ERP44: variants seen among roughly 807,000 people sequenced by gnomAD.
ERP44 encodes the protein endoplasmic reticulum protein 44.
Under a neutral mutation model 53.4 loss-of-function variants are expected in ERP44, and 25 were observed. The observed-to-expected ratio is 0.47, with a 90% confidence interval of 0.34 to 0.65. ERP44 has a LOEUF of 0.65. Ranked by LOEUF, ERP44 falls within the 30% of genes least tolerant of loss-of-function variation. The pLI, the probability that ERP44 is intolerant of heterozygous loss-of-function variation, is 0.01. For missense variants in ERP44, 338 were observed against 493.2 expected, an observed-to-expected ratio of 0.69 and a Z score of 2.98; for synonymous variants, 145 against 161.2, an observed-to-expected ratio of 0.90 and a Z score of 0.76.
At chr9:100,068,203 G>GT (rs1478936901) in intron 1 of ERP44, among the ~76,000 whole-genome samples, 1 of 149,346 alleles carries the variant, frequency 6.7e-6, no homozygotes, top group African/African-American at 2.5e-5. Flanking sequence ...CGGGAGGGAG[G>GT]TAGGGGGGTC....
chr9:100,062,423 G>A (rs548990125), intron 1 of ERP44, among the ~76,000 whole-genome samples: 1 of 152,244 alleles, frequency 6.6e-6, no homozygotes, highest in African/African-American at 2.4e-5. Context: ...GATAACTGTG[G>A]AACCCAATAA....
chr9:100,090,543 G>GT (rs1326392904), intron 1 of ERP44, among the ~76,000 whole-genome samples: 4 of 152,158 alleles, frequency 2.6e-5, no homozygotes, highest in African/African-American at 4.8e-5. Context: ...GAGGTCAGGA[G>GT]TTTGAGACCA....
chr9:100,083,729 G>C (rs1826452123), intron 1 of ERP44, among the ~76,000 whole-genome samples: 2 of 152,142 alleles, frequency 1.3e-5, no homozygotes, highest in Non-Finnish European at 2.9e-5. Flanking sequence ...CATCAAGAAA[G>C]TAACACTGCC....
At chr9:100,000,435 CAAAAA>C (rs34304276) in intron 10 of ERP44, among the ~76,000 whole-genome samples, 1 of 123,982 alleles carries the variant, frequency 8.1e-6, no homozygotes, top group Admixed American at 7.9e-5. Context: ...GATCCTGTAT[CAAAAA>C]AAAAAAAAAA....
intron 1 of ERP44, among the ~76,000 whole-genome samples, chr9:100,071,267 A>T (rs540642451): frequency 1.3e-4 from 20 of 151,930 alleles, no homozygotes; most frequent in African/African-American, 4.3e-4. Context: ...GCAAACATAT[A>T]ACATTCTTTA....
At chr9:100,012,252 T>A (rs935837650) in intron 8 of ERP44, among the ~76,000 whole-genome samples, 10 of 152,224 alleles carry the variant, frequency 6.6e-5, no homozygotes, top group African/African-American at 1.9e-4. Context: ...GCAATGAATT[T>A]GCATATCTAT....
At chr9:100,069,317 C>T (rs1826273588) in intron 1 of ERP44, among the ~76,000 whole-genome samples, 1 of 130,826 alleles carries the variant, frequency 7.6e-6, no homozygotes, top group Non-Finnish European at 1.6e-5. Flanking sequence ...ACCAAACCAA[C>T]CAAAAAAAAG....
In ERP44 at chr9:100,073,838, A is replaced by G. The variant is rs371126825; in HGVS notation, c.58-13666T>C. ...ATCCACAGCAAGAAATACACTTTAC[A>G]CTGCAGTCCAGGAAACAGAAACACA... is the stretch of plus-strand genomic sequence containing the variant. On this transcript the variant is annotated intron_variant, in intron 1 of 11. Transcript: ENST00000262455. Among the ~76,000 whole-genome samples the G allele has an allele frequency of 6.6e-5, 10 of 152,290 alleles. No individual in the cohort carries two copies. In the South Asian group the frequency reaches 2.1e-3, roughly 32 times the overall value.
chr9:100,022,349 T>C (rs945439902), intron 4 of ERP44, 123 bp from the exon 5 acceptor site: 1 of 626,490 alleles, frequency 1.6e-6, no homozygotes, highest in African/African-American at 1.9e-5. Context: ...TGTTTTTCAG[T>C]GAGAGAGAAA....
intron 1 of ERP44, among the ~76,000 whole-genome samples, chr9:100,096,068 A>G (rs998314868): frequency 5.9e-5 from 9 of 152,324 alleles, no homozygotes; most frequent in Admixed American, 5.9e-4. Flanking sequence ...ATTATGATCT[A>G]TAAACATACT....
chr9:100,041,389 G>T (rs899589703), intron 4 of ERP44, among the ~76,000 whole-genome samples: 6 of 152,140 alleles, frequency 3.9e-5, no homozygotes, highest in Non-Finnish European at 8.8e-5. Flanking sequence ...ACAGACACAG[G>T]CCAGGCGCAG....
chr9:100,075,793 C>T (rs1018628797), intron 1 of ERP44, among the ~76,000 whole-genome samples: 1 of 152,186 alleles, frequency 6.6e-6, no homozygotes, highest in African/African-American at 2.4e-5. Flanking sequence ...GCAACATATT[C>T]CTCTTTTGGG....
chr9:100,062,219 G>T (rs1167292433), intron 1 of ERP44, among the ~76,000 whole-genome samples: 1 of 152,158 alleles, frequency 6.6e-6, no homozygotes, highest in Non-Finnish European at 1.5e-5. Context: ...ACTTCTTTGG[G>T]TTGTAATTTC....
chr9:100,015,974 A>G (rs148426569), intron 8 of ERP44, among the ~76,000 whole-genome samples: 26 of 152,288 alleles, frequency 1.7e-4, no homozygotes, highest in African/African-American at 6.0e-4. Context: ...CCGTGGACTG[A>G]TACAGGTCTG....
At chr9:99,986,297 A>C (rs1729969514) in intron 10 of ERP44, among the ~76,000 whole-genome samples, 1 of 152,226 alleles carries the variant, frequency 6.6e-6, no homozygotes, top group Admixed American at 6.5e-5. Flanking sequence ...TGCTAATTTG[A>C]TAAGTAAAAG....
At chr9:100,000,760 A>T (rs747157518) in intron 10 of ERP44, among the ~76,000 whole-genome samples, 5 of 151,958 alleles carry the variant, frequency 3.3e-5, no homozygotes, top group Admixed American at 1.3e-4. Context: ...TCTCTCTTTA[A>T]TTCTAGCTAA....
chr9:100,053,506 C>G (rs1000106057), intron 3 of ERP44, among the ~76,000 whole-genome samples: 1 of 152,160 alleles, frequency 6.6e-6, no homozygotes, highest in South Asian at 2.1e-4. Flanking sequence ...TTACACAAAC[C>G]TAGATGGTAT....
chr9:100,000,606 C>T (rs1218967948), intron 10 of ERP44, among the ~76,000 whole-genome samples: 5 of 151,858 alleles, frequency 3.3e-5, no homozygotes, highest in Admixed American at 2.0e-4. Context: ...TTCATGATTC[C>T]ACCTTGGTAG....
chr9:99,997,823 G>A (rs527560447), intron 10 of ERP44, among the ~76,000 whole-genome samples: 29 of 152,056 alleles, frequency 1.9e-4, no homozygotes, highest in African/African-American at 6.8e-4. Context: ...AGGCATGGCT[G>A]ACTCACAAAG....
Sources: allele counts gnomAD v4.1 joint callset (sites outside exome capture counted in the v4.1 genomes callset), GRCh38; gene constraint gnomAD v4.1.1; transcripts MANE v1.5; gene names NCBI Gene and HGNC (gene_info 2026-07-23, HGNC 2026-07-21).